CDC42BPB: variants seen among roughly 807,000 people sequenced by gnomAD.
CDC42BPB encodes CDC42 binding protein kinase beta.
A neutral mutation model predicts 214.9 loss-of-function variants in CDC42BPB; 37 were observed. That is an observed-to-expected ratio of 0.17 (90% CI 0.13 to 0.23). CDC42BPB has a LOEUF of 0.23. CDC42BPB is among the 10% of genes least tolerant of loss of function. The pLI is 1.00. For synonymous variants in CDC42BPB, 931 were observed against 884.0 expected, an observed-to-expected ratio of 1.05 and a Z score of -0.94; for missense variants, 1,694 against 2,227.0, an observed-to-expected ratio of 0.76 and a Z score of 4.82.
At chr14:103,014,747 C>T (rs1886359427) in intron 1 of CDC42BPB, among the ~76,000 whole-genome samples, 1 of 152,004 alleles carries the variant, frequency 6.6e-6, no homozygotes, top group Non-Finnish European at 1.5e-5. Flanking sequence ...CAGCAGAGAT[C>T]AGGAAACAGA....
intron 1 of CDC42BPB, 74 bp downstream of exon 1, chr14:103,056,925 C>A (rs1181986708): frequency 1.2e-6 from 1 of 829,568 alleles, no homozygotes; most frequent in South Asian, 2.6e-5. Context: ...CGGGGATGGG[C>A]GGGCGTGGGG....
intron 14 of CDC42BPB, 120 bp from the exon 15 acceptor site, chr14:102,968,836 G>C (rs901668206): frequency 2.0e-6 from 3 of 1,514,074 alleles, no homozygotes; most frequent in Non-Finnish European, 2.6e-6. Flanking sequence ...TGTGTGCCTG[G>C]TCTACACCAG....
chr14:102,942,648 A>C (rs1891949131), intron 30 of CDC42BPB, among the ~76,000 whole-genome samples: 3 of 152,164 alleles, frequency 2.0e-5, no homozygotes, highest in Admixed American at 2.0e-4. Flanking sequence ...GGGCTCAAGC[A>C]ATCCTCCTGT....
At position 103,030,513 on chromosome 14, in the gene CDC42BPB, T is replaced by C. The variant is rs371302500; in HGVS notation, c.176-18325A>G. Reference sequence around the variant, plus strand: ...GAGATCAAGACCAGCCTGGCCAACATGGTGAAACCCCATCTCTGCTAAAAA... The same window carrying C: ...GAGATCAAGACCAGCCTGGCCAACACGGTGAAACCCCATCTCTGCTAAAAA... On this transcript the variant is annotated intron_variant, in intron 1 of 36. Coordinates refer to ENST00000361246, the MANE Select transcript of CDC42BPB (RefSeq NM_006035.4). Among the ~76,000 whole-genome samples the C allele has an allele frequency of 1.1e-4, 17 of 152,228 alleles. No homozygotes were observed. In the East Asian group the frequency reaches 2.7e-3, roughly 24 times the overall value.
rs917093626 is a variant in CDC42BPB, at chr14:102,974,089, T to A, written c.1568A>T (p.Asp523Val). 4.3e-6 allele frequency: 7 copies of A among 1,613,770 alleles called. No homozygotes were observed. The highest frequency in any genetic ancestry group is 5.9e-6 in the Non-Finnish European group (7 of 1,179,924). Residue 523 changes from aspartate (D) to valine (V), a missense_variant, in exon 12 of 37, where the codon GAC (aspartate) becomes GTC (valine). Transcript: ENST00000361246. ...CAGCCCCCGCAGCCGCTGCGTGGAG[T>A]CCTCACGCTCTTGGCGAAGCGCCAC... ...DTVALRQERE[D>V]STQRLRGLEK...
At chr14:102,983,031 A>G (rs1480391550) in intron 7 of CDC42BPB, among the ~76,000 whole-genome samples, 4 of 152,210 alleles carry the variant, frequency 2.6e-5, no homozygotes, top group East Asian at 1.9e-4. Flanking sequence ...GGAGGAAAAG[A>G]GGAAACAGGA....
At chr14:102,973,908 G>T in intron 12 of CDC42BPB, 108 bp downstream of exon 12, 1 of 1,355,554 alleles carries the variant, frequency 7.4e-7, no homozygotes, top group Non-Finnish European at 1.0e-6. Flanking sequence ...AGCAGGGACA[G>T]CCCATGGGCA....
At chr14:102,989,933 A>C (rs1306550757) in intron 5 of CDC42BPB, among the ~76,000 whole-genome samples, 2 of 152,212 alleles carry the variant, frequency 1.3e-5, no homozygotes, top group Admixed American at 6.5e-5. Context: ...ATACATCACT[A>C]AAGTTTTTAA....
chr14:103,056,137 G>A (rs1888933255), intron 1 of CDC42BPB, among the ~76,000 whole-genome samples: 3 of 152,162 alleles, frequency 2.0e-5, no homozygotes, highest in African/African-American at 7.2e-5. Context: ...TAATAGGTTA[G>A]CTGACCAATG....
chr14:103,030,379 T>C (rs1023695968), intron 1 of CDC42BPB, among the ~76,000 whole-genome samples: 64 of 152,224 alleles, frequency 4.2e-4, no homozygotes, highest in African/African-American at 1.5e-3. Context: ...TTAAATGTTA[T>C]TTATTTCAGC....
intron 5 of CDC42BPB, among the ~76,000 whole-genome samples, chr14:102,997,639 A>G (rs909873555): frequency 2.6e-5 from 4 of 152,230 alleles, no homozygotes; most frequent in Non-Finnish European, 5.9e-5. Flanking sequence ...GAGCTTCATA[A>G]CGTGGCCACA....
chr14:102,985,458 T>G (rs903421009), intron 6 of CDC42BPB, among the ~76,000 whole-genome samples: 1 of 148,792 alleles, frequency 6.7e-6, no homozygotes, highest in East Asian at 2.0e-4. Context: ...TGTGGAGGTG[T>G]GGAGGGTAAC....
At chr14:102,983,490 G>A in intron 7 of CDC42BPB, 66 bp downstream of exon 7, 2 of 1,586,162 alleles carry the variant, frequency 1.3e-6, no homozygotes, top group South Asian at 1.1e-5. Context: ...TCCTGCACTA[G>A]TTGTGCTCTC....
At chr14:102,951,184 G>C (rs1346784017) in intron 24 of CDC42BPB, among the ~76,000 whole-genome samples, 1 of 152,180 alleles carries the variant, frequency 6.6e-6, no homozygotes, top group Non-Finnish European at 1.5e-5. Flanking sequence ...CCCACACGTG[G>C]GAGTTTCTAC....
At chr14:102,956,797 C>T (rs928215713) in intron 21 of CDC42BPB, among the ~76,000 whole-genome samples, 11 of 151,984 alleles carry the variant, frequency 7.2e-5, no homozygotes, top group African/African-American at 2.7e-4. Context: ...GCACGGCACT[C>T]CAGCCTGGGC....
chr14:102,939,511 G>A (rs771194276), intron 34 of CDC42BPB, 99 bp downstream of exon 34: 35 of 850,986 alleles, frequency 4.1e-5, no homozygotes, highest in Non-Finnish European at 5.9e-5. Flanking sequence ...CGCCAGCCTC[G>A]CAGGCACTGC....
intron 3 of CDC42BPB, among the ~76,000 whole-genome samples, chr14:103,006,034 A>G (rs1261872672): frequency 1.3e-5 from 2 of 151,962 alleles, no homozygotes; most frequent in African/African-American, 4.8e-5. Context: ...AAAAAAAAAA[A>G]AGATGGCTGT....
At chr14:102,940,684 G>A (rs184456888) in intron 30 of CDC42BPB, 2 of 334,740 alleles carry the variant, frequency 6.0e-6, no homozygotes, top group South Asian at 6.2e-5. Context: ...AATTCAGGTA[G>A]GGGCCGACTG....
chr14:103,021,276 C>A (rs1886756000), intron 1 of CDC42BPB, among the ~76,000 whole-genome samples: 1 of 152,110 alleles, frequency 6.6e-6, no homozygotes, highest in African/African-American at 2.4e-5. Context: ...CTGGCTAACA[C>A]AGTGAAACCC....
Sources: allele counts gnomAD v4.1 joint callset (sites outside exome capture counted in the v4.1 genomes callset), GRCh38; gene constraint gnomAD v4.1.1; transcripts MANE v1.5; gene names NCBI Gene and HGNC (gene_info 2026-07-23, HGNC 2026-07-21).